The following CDH13 variants were observed in gnomAD, a reference collection of about 807,000 sequenced individuals.
CDH13 encodes cadherin-13.
In CDH13, 24 loss-of-function variants were observed where a neutral mutation model predicts 63.8. The ratio of observed to expected loss-of-function variants is 0.38; its 90% confidence interval spans 0.27 to 0.53. The LOEUF (loss-of-function observed/expected upper bound fraction) is 0.53, where lower values mean the gene tolerates loss of function less well. Among genes scored for constraint, CDH13 ranks in the 20% least tolerant of loss-of-function variants. The pLI is 0.85. For missense variants in CDH13, 1,049 were observed against 903.1 expected (o/e 1.16, Z -2.07); for synonymous variants, 503 against 355.3 (o/e 1.42, Z -4.67).
intron 7 of CDH13, among the ~76,000 whole-genome samples, chr16:83,512,835 C>A (rs533733404): frequency 1.3e-3 from 198 of 152,146 alleles, no homozygotes; most frequent in Non-Finnish European, 1.8e-3. Flanking sequence ...CGGGCCTCCC[C>A]ACAAACCTCT....
intron 7 of CDH13, among the ~76,000 whole-genome samples, chr16:83,529,030 C>T (rs1249992762): frequency 6.6e-6 from 1 of 151,508 alleles, no homozygotes; most frequent in East Asian, 1.9e-4. Context: ...ATGAAAATCT[C>T]AGATTAGAAG....
chr16:83,143,016 A>G (rs1411097951), intron 4 of CDH13, among the ~76,000 whole-genome samples: 1 of 152,188 alleles, frequency 6.6e-6, no homozygotes, highest in African/African-American at 2.4e-5. Context: ...AGGCAGGAAA[A>G]TCGCTTGAAC....
At chr16:83,177,218 C>A (rs1287646353) in intron 4 of CDH13, among the ~76,000 whole-genome samples, 1 of 152,184 alleles carries the variant, frequency 6.6e-6, no homozygotes, top group Non-Finnish European at 1.5e-5. Flanking sequence ...ATACTCAGAT[C>A]TTTGCCACAT....
chr16:83,223,003 A>C (rs2039741797), intron 5 of CDH13, among the ~76,000 whole-genome samples: 1 of 151,970 alleles, frequency 6.6e-6, no homozygotes, highest in Non-Finnish European at 1.5e-5. Context: ...CCCCCCACCC[A>C]CACACACACC....
intron 6 of CDH13, among the ~76,000 whole-genome samples, chr16:83,390,519 T>C (rs2091766151): frequency 6.6e-6 from 1 of 152,014 alleles, no homozygotes; most frequent in African/African-American, 2.4e-5. Context: ...TAATGTGTGA[T>C]TTTGAGATGT....
At chr16:83,089,309 A>G (rs1288207030) in intron 3 of CDH13, among the ~76,000 whole-genome samples, 1 of 152,216 alleles carries the variant, frequency 6.6e-6, no homozygotes, top group Non-Finnish European at 1.5e-5. Context: ...CTTTATAAAG[A>G]TATTTTACGT....
intron 2 of CDH13, among the ~76,000 whole-genome samples, chr16:83,000,574 C>CTTTTTT (rs561787532): frequency 2.2e-4 from 28 of 127,706 alleles, no homozygotes; most frequent in East Asian, 9.3e-4. Context: ...TTTCTTTTCT[C>CTTTTTT]TTTTTTTTTT....
intron 1 of CDH13, among the ~76,000 whole-genome samples, chr16:82,645,808 A>C (rs1259801840): frequency 6.6e-6 from 1 of 152,216 alleles, no homozygotes; most frequent in Non-Finnish European, 1.5e-5. Context: ...TCAACTCATT[A>C]ATTTATGAAG....
At chr16:82,814,559 G>A (rs1170581847) in intron 1 of CDH13, among the ~76,000 whole-genome samples, 3 of 152,156 alleles carry the variant, frequency 2.0e-5, no homozygotes, top group Non-Finnish European at 4.4e-5. Flanking sequence ...CTGGAGGGTG[G>A]TGTGCCCACA....
intron 10 of CDH13, among the ~76,000 whole-genome samples, chr16:83,682,496 G>A (rs1915488067): frequency 6.6e-6 from 1 of 152,170 alleles, no homozygotes; most frequent in Admixed American, 6.5e-5. Context: ...TGCATGTTCT[G>A]TAGAGGGGAA....
At chr16:83,172,744 C>T (rs1221180694) in intron 4 of CDH13, among the ~76,000 whole-genome samples, 2 of 152,016 alleles carry the variant, frequency 1.3e-5, no homozygotes, top group African/African-American at 2.4e-5. Flanking sequence ...TTTGTCATAA[C>T]AGCCCTAACA....
chr16:83,430,527 T>C (rs1033241323), intron 6 of CDH13, among the ~76,000 whole-genome samples: 18 of 152,352 alleles, frequency 1.2e-4, no homozygotes, highest in African/African-American at 4.1e-4. Flanking sequence ...TTAAATGTGA[T>C]TTTATCAAAC....
chr16:83,096,191 G>A (rs2034184241), intron 3 of CDH13, among the ~76,000 whole-genome samples: 1 of 152,156 alleles, frequency 6.6e-6, no homozygotes, highest in Non-Finnish European at 1.5e-5. Context: ...GGCTATGTGT[G>A]GACTTTGTCC....
At chr16:83,244,807 A>G (rs1227786990) in intron 5 of CDH13, among the ~76,000 whole-genome samples, 3 of 152,194 alleles carry the variant, frequency 2.0e-5, no homozygotes, top group African/African-American at 4.8e-5. Context: ...GACAACGAGT[A>G]TAAAATGCTG....
intron 11 of CDH13, among the ~76,000 whole-genome samples, chr16:83,761,027 C>T (rs2150986591): frequency 6.6e-6 from 1 of 152,298 alleles, no homozygotes; most frequent in South Asian, 2.1e-4. Flanking sequence ...AGAAGTGACA[C>T]CATCGTTAAC....
intron 5 of CDH13, among the ~76,000 whole-genome samples, chr16:83,259,566 C>T (rs1041539192): frequency 2.0e-5 from 3 of 152,164 alleles, no homozygotes; most frequent in Admixed American, 6.5e-5. Flanking sequence ...ATAGTACTTA[C>T]ATAGATTACA....
intron 4 of CDH13, among the ~76,000 whole-genome samples, chr16:83,144,825 C>G (rs914865372): frequency 2.6e-5 from 4 of 152,234 alleles, no homozygotes; most frequent in Non-Finnish European, 4.4e-5. Context: ...ACAGTCTCCT[C>G]TTTTGCAAAA....
chr16:82,670,528 T>A (rs1341860784), intron 1 of CDH13, among the ~76,000 whole-genome samples: 1 of 152,180 alleles, frequency 6.6e-6, no homozygotes, highest in African/African-American at 2.4e-5. Context: ...ACTACCCAGG[T>A]TTGCTTTACC....
chr16:83,765,678 G>A (rs190869448), intron 11 of CDH13, among the ~76,000 whole-genome samples: 13 of 152,054 alleles, frequency 8.5e-5, no homozygotes, highest in Admixed American at 8.5e-4. Flanking sequence ...TTATAGAGCT[G>A]ATTTGTAAAA....
Sources: gnomAD v4.1 joint callset for allele counts (sites outside exome capture counted in the v4.1 genomes callset) on GRCh38, gnomAD v4.1.1 for gene constraint, MANE v1.5 for transcripts, NCBI Gene and HGNC (gene_info 2026-07-23, HGNC 2026-07-21) for gene names.